P4HA1: variants seen among roughly 807,000 people sequenced by gnomAD.
P4HA1 encodes the protein prolyl 4-hydroxylase subunit alpha 1, also known as prolyl 4-hydroxylase subunit alpha-1.
P4HA1 carries 24 observed loss-of-function variants against 72.8 expected under a neutral mutation model. That is an observed-to-expected ratio of 0.33 (90% CI 0.24 to 0.46). The LOEUF (loss-of-function observed/expected upper bound fraction) is 0.46, where lower values mean the gene tolerates loss of function less well. Ranked by LOEUF, P4HA1 falls within the 20% of genes least tolerant of loss-of-function variation. The probability of loss-of-function intolerance (pLI) is 1.00; values close to 1 mark genes in which losing one functional copy is unlikely to be tolerated. For missense variants in P4HA1, 446 were observed against 640.6 expected (o/e 0.70, Z 3.28); for synonymous variants, 201 against 218.8 (o/e 0.92, Z 0.72).
At chr10:73,072,641 A>T (rs1181528517) in intron 3 of P4HA1, among the ~76,000 whole-genome samples, 2 of 152,214 alleles carry the variant, frequency 1.3e-5, no homozygotes, top group Non-Finnish European at 2.9e-5. Context: ...TTAGCTACTC[A>T]TTAAATAAAA....
chr10:73,055,088 C>A (rs144424557), intron 5 of P4HA1, among the ~76,000 whole-genome samples: 1 of 152,260 alleles, frequency 6.6e-6, no homozygotes, highest in Non-Finnish European at 1.5e-5. Context: ...TAGAAATTAG[C>A]CAGACATTGT....
chr10:73,074,868 A>G lies in P4HA1; in HGVS notation c.16T>C (p.Leu6=), dbSNP rs1231867869. 6 of 1,525,022 alleles carry G rather than the reference A, an allele frequency of 3.9e-6. No individual in the cohort carries two copies. The highest frequency in any genetic ancestry group is 5.4e-6 in the Non-Finnish European group (6 of 1,101,420). 94.5% of individuals were successfully genotyped at this position (1,525,022 alleles called of 1,614,324 possible). MIWYI[L]IIGILLPQSL... ...TGGGGAAGCAGAATTCCTATAATTA[A>G]TATATACCAGATCATCTTGGAAGAT... The change falls in exon 2 of 15, where the codon TTA becomes CTA. Residue 6 remains leucine, a synonymous_variant. Transcript: ENST00000394890.
chr10:73,048,421 GC>G (rs1454893760), intron 7 of P4HA1, among the ~76,000 whole-genome samples: 2 of 152,060 alleles, frequency 1.3e-5, no homozygotes, highest in African/African-American at 4.8e-5. Context: ...CTGCCACCAT[GC>G]TCGGCTAACT....
At chr10:73,047,509 A>C (rs1840896168) in intron 7 of P4HA1, among the ~76,000 whole-genome samples, 1 of 150,806 alleles carries the variant, frequency 6.6e-6, no homozygotes, top group Non-Finnish European at 1.5e-5. Context: ...GAAAAAAAAA[A>C]CTAGGTTTTC....
chr10:73,089,725 A>AG (rs1841990857), intron 1 of P4HA1, among the ~76,000 whole-genome samples: 1 of 151,976 alleles, frequency 6.6e-6, no homozygotes, highest in East Asian at 1.9e-4. Flanking sequence ...AAAAAAAAAA[A>AG]AAGCGTATAT....
intron 5 of P4HA1, among the ~76,000 whole-genome samples, chr10:73,055,517 G>C (rs1841121464): frequency 6.6e-6 from 1 of 152,072 alleles, no homozygotes; most frequent in African/African-American, 2.4e-5. Context: ...TCGGCTACAT[G>C]ATTTTAAAAT....
At chr10:73,055,916 A>AC (rs1841136776) in intron 5 of P4HA1, among the ~76,000 whole-genome samples, 1 of 152,222 alleles carries the variant, frequency 6.6e-6, no homozygotes, top group African/African-American at 2.4e-5. Flanking sequence ...GTCCAAGGTC[A>AC]CATGTTTAAA....
chr10:73,036,206 C>A (rs1198338358), intron 9 of P4HA1, among the ~76,000 whole-genome samples: 5 of 146,024 alleles, frequency 3.4e-5, no homozygotes, highest in African/African-American at 1.3e-4. Flanking sequence ...AAAAAAAAAT[C>A]TTGATGAAGG....
At chr10:73,012,824 C>T (rs1453353855) in intron 12 of P4HA1, among the ~76,000 whole-genome samples, 3 of 152,084 alleles carry the variant, frequency 2.0e-5, no homozygotes, top group Non-Finnish European at 2.9e-5. Flanking sequence ...GATGGAGCCA[C>T]GCTCCGTTAT....
chr10:73,076,715 C>T (rs1841705201), intron 1 of P4HA1, among the ~76,000 whole-genome samples: 1 of 151,664 alleles, frequency 6.6e-6, no homozygotes. Flanking sequence ...CAAACATGAA[C>T]TTTGTCTTTC....
intron 1 of P4HA1, among the ~76,000 whole-genome samples, chr10:73,091,086 A>T (rs569790748): frequency 2.0e-5 from 3 of 148,170 alleles, no homozygotes; most frequent in South Asian, 2.1e-4. Context: ...AAAAAAAAAG[A>T]AGTAACTAAA....
intron 6 of P4HA1, 43 bp from the exon 7 acceptor site, chr10:73,051,292 C>A: frequency 9.8e-7 from 1 of 1,016,652 alleles, no homozygotes; most frequent in Non-Finnish European, 1.5e-6. Context: ...TAAGTTCATG[C>A]TTGTTCAAGC....
chr10:73,028,764 G>T (rs1347781053), intron 10 of P4HA1, among the ~76,000 whole-genome samples: 1 of 149,014 alleles, frequency 6.7e-6, no homozygotes, highest in Non-Finnish European at 1.5e-5. Context: ...TTGAAAAGAG[G>T]CCAGACACAG....
In P4HA1 at chr10:73,008,924, C is replaced by T. The variant is rs566073438; in HGVS notation, c.1535-632G>A. Among the ~76,000 whole-genome samples the T allele has an allele frequency of 2.6e-5, 4 of 152,166 alleles. No individual in the cohort carries two copies. The East Asian group carries it at 7.7e-4, about 29-fold the overall frequency. On this transcript the variant is annotated intron_variant, in intron 14 of 14. Coordinates refer to ENST00000394890, the MANE Select transcript of P4HA1 (RefSeq NM_001017962.3). ...TTTCCTTCTTCAACCCTTGTATCTA[C>T]ACTTTATTCATCAAACCCTGACAAT...
chr10:73,026,253 C>A (rs574067196), intron 10 of P4HA1, among the ~76,000 whole-genome samples: 1 of 152,284 alleles, frequency 6.6e-6, no homozygotes, highest in African/African-American at 2.4e-5. Context: ...GGTACCAAAA[C>A]AGAGACATAG....
chr10:73,035,375 T>C (rs184272092), intron 9 of P4HA1, among the ~76,000 whole-genome samples: 8 of 152,188 alleles, frequency 5.3e-5, no homozygotes, highest in Admixed American at 4.6e-4. Context: ...AATAAATTAA[T>C]GAGCAAGGTG....
chr10:73,064,175 TATA>T (rs1218035564), intron 5 of P4HA1, among the ~76,000 whole-genome samples: 1 of 152,050 alleles, frequency 6.6e-6, no homozygotes, highest in Non-Finnish European at 1.5e-5. Context: ...CAATAGAAAC[TATA>T]ATATCAGGCC....
intron 10 of P4HA1, among the ~76,000 whole-genome samples, chr10:73,023,137 T>A (rs1840176107): frequency 6.6e-6 from 1 of 151,956 alleles, no homozygotes; most frequent in South Asian, 2.1e-4. Context: ...AATTCAGAAA[T>A]ACAGAGAACA....
At chr10:73,062,762 T>C (rs1841340449) in intron 5 of P4HA1, among the ~76,000 whole-genome samples, 2 of 152,178 alleles carry the variant, frequency 1.3e-5, no homozygotes, top group African/African-American at 2.4e-5. Context: ...AGAAAAGGCA[T>C]TTATGAGAAA....
Sources: gnomAD v4.1 joint callset for allele counts (sites outside exome capture counted in the v4.1 genomes callset) on GRCh38, gnomAD v4.1.1 for gene constraint, MANE v1.5 for transcripts, NCBI Gene and HGNC (gene_info 2026-07-23, HGNC 2026-07-21) for gene names.